SGK1: variants seen among roughly 807,000 people sequenced by gnomAD.
The protein encoded by SGK1 is serum/glucocorticoid regulated kinase 1.
A neutral mutation model predicts 64.2 loss-of-function variants in SGK1; 26 were observed. That is an observed-to-expected ratio of 0.40 (90% CI 0.30 to 0.56). SGK1 has a LOEUF of 0.56. Ranked by LOEUF, SGK1 falls within the 20% of genes least tolerant of loss-of-function variation. The pLI is 0.38. For synonymous variants in SGK1, 265 were observed against 239.7 expected (o/e 1.11, Z -0.98); for missense variants, 519 against 645.6 (o/e 0.80, Z 2.12).
chr6:134,177,630 G>A (rs548200145), intron 3 of SGK1: 1 of 1,576,908 alleles, frequency 6.3e-7, no homozygotes, highest in East Asian at 2.2e-5. Context: ...ATCCTTTGAG[G>A]CATCTGCAAA....
At chr6:134,300,313 C>A (rs1777428686) in intron 1 of SGK1, among the ~76,000 whole-genome samples, 2 of 151,498 alleles carry the variant, frequency 1.3e-5, no homozygotes, top group African/African-American at 4.9e-5. Flanking sequence ...CCGAGACGGG[C>A]AGATCACGAG....
In SGK1 at chr6:134,251,335, A is replaced by G. The variant is rs1776602744; in HGVS notation, c.285+10598T>C. 1.3e-5 allele frequency among the ~76,000 whole-genome samples: 2 copies of G among 152,210 alleles called. 1 individual carries two copies. The stretch of plus-strand genomic sequence containing the variant: ...ATACAAAGTCTTCTTTTAAAATTTT[A>G]AAAGTCTCAAAACTACTAAAACAGG... On this transcript the variant is annotated intron_variant, in intron 2 of 13. Coordinates refer to ENST00000367858, the MANE Select transcript of SGK1 (RefSeq NM_001143676.3).
chr6:134,280,198 CAAAAAAA>C (rs1228218844), intron 1 of SGK1, among the ~76,000 whole-genome samples: 1 of 64,258 alleles, frequency 1.6e-5, no homozygotes, highest in Non-Finnish European at 2.9e-5. Context: ...GACACTGTCT[CAAAAAAA>C]AAAAAAAAAA....
At chr6:134,268,425 A>G (rs535714199) in intron 1 of SGK1, among the ~76,000 whole-genome samples, 13 of 152,194 alleles carry the variant, frequency 8.5e-5, no homozygotes, top group African/African-American at 2.9e-4. Context: ...CTTTATCCTG[A>G]ATAAATCAAG....
At chr6:134,253,931 A>G (rs1776642542) in intron 2 of SGK1, among the ~76,000 whole-genome samples, 1 of 152,084 alleles carries the variant, frequency 6.6e-6, no homozygotes, top group South Asian at 2.1e-4. Context: ...GCTGCCTTCA[A>G]TTGAAAGACG....
intron 1 of SGK1, among the ~76,000 whole-genome samples, chr6:134,302,806 G>A (rs1054952316): frequency 6.6e-6 from 1 of 152,004 alleles, no homozygotes; most frequent in Non-Finnish European, 1.5e-5. Flanking sequence ...CCAGGCTGGA[G>A]TGTAGTGGGG....
At chr6:134,262,892 T>A (rs1482067460) in intron 1 of SGK1, among the ~76,000 whole-genome samples, 1 of 117,568 alleles carries the variant, frequency 8.5e-6, no homozygotes, top group Non-Finnish European at 1.8e-5. Flanking sequence ...AAAAATAACT[T>A]TTTTTTTTTT....
At chr6:134,276,787 C>T (rs969955563) in intron 1 of SGK1, among the ~76,000 whole-genome samples, 2 of 152,160 alleles carry the variant, frequency 1.3e-5, no homozygotes, top group Non-Finnish European at 2.9e-5. Flanking sequence ...CATGGTGGCT[C>T]ACACCTATAA....
At chr6:134,175,881 G>A (rs1775220088) in intron 3 of SGK1, 1 of 1,191,104 alleles carries the variant, frequency 8.4e-7, no homozygotes, top group Non-Finnish European at 1.0e-6. Flanking sequence ...CTTGGAAGAG[G>A]AGGAAGGAAG....
At position 134,208,202 on chromosome 6, in the gene SGK1, G is replaced by A. The variant is rs192854201; in HGVS notation, c.286-771C>T. Among the ~76,000 whole-genome samples, 12 of 152,180 alleles carry A rather than the reference G, an allele frequency of 7.9e-5. No homozygotes were observed. In the South Asian group the frequency reaches 1.9e-3, roughly 24 times the overall value. On this transcript the variant is annotated intron_variant, in intron 2 of 13. Transcript: ENST00000367858. ...GCTGGGATTATAAGCGTGAACCACC[G>A]CACCTGGCCTGCATTCTTATTTTAT... is the stretch of plus-strand genomic sequence containing the variant.
rs542289277 is a variant in SGK1 at position 134,271,160 on chromosome 6, A to G, written c.70-9012T>C. Among the ~76,000 whole-genome samples the G allele has an allele frequency of 5.6e-4, 81 of 143,486 alleles. 3 individuals carry two copies. The highest frequency in any genetic ancestry group is 1.9e-3 in the African/African-American group (76 of 40,806). 94.1% of individuals were successfully genotyped at this position (143,486 alleles called of 152,430 possible). A position where few individuals can be genotyped will look rare whatever the true frequency, so the allele number is the denominator to read the frequency against. On this transcript the variant is annotated intron_variant, in intron 1 of 13. Coordinates refer to ENST00000367858, the MANE Select transcript of SGK1 (RefSeq NM_001143676.3). ...ATAGTGAAACTCCATCTCTACTAAA[A>G]ATACAAAAATTAGTCGGGCGCGGGG... is the stretch of plus-strand genomic sequence containing the variant.
At chr6:134,214,259 C>CTAT (rs1208425390) in intron 2 of SGK1, among the ~76,000 whole-genome samples, 1 of 151,708 alleles carries the variant, frequency 6.6e-6, no homozygotes, top group Non-Finnish European at 1.5e-5. Flanking sequence ...CTTTTTTTTG[C>CTAT]CTAACCACCA....
chr6:134,298,107 T>G (rs1028862960), intron 1 of SGK1: 1 of 1,354,248 alleles, frequency 7.4e-7, no homozygotes, highest in Non-Finnish European at 1.1e-6. Flanking sequence ...ACCTTGTTCA[T>G]GTAAGCTTCA....
At chr6:134,220,601 A>T (rs1263650929) in intron 2 of SGK1, among the ~76,000 whole-genome samples, 1 of 152,204 alleles carries the variant, frequency 6.6e-6, no homozygotes, top group Non-Finnish European at 1.5e-5. Context: ...TTTTAGCTGT[A>T]GTCTCCTTAT....
At chr6:134,195,408 A>C (rs1054356917) in intron 3 of SGK1, among the ~76,000 whole-genome samples, 2 of 152,224 alleles carry the variant, frequency 1.3e-5, no homozygotes, top group Non-Finnish European at 2.9e-5. Context: ...AGGCAGAGTG[A>C]GGGGCCTCTC....
At chr6:134,312,678 C>T (rs1440766182) in intron 1 of SGK1, among the ~76,000 whole-genome samples, 3 of 152,170 alleles carry the variant, frequency 2.0e-5, no homozygotes, top group African/African-American at 7.2e-5. Context: ...AGCTATGTGA[C>T]TTGGGGCAAG....
At chr6:134,274,568 T>C (rs938658416) in intron 1 of SGK1, among the ~76,000 whole-genome samples, 1 of 151,842 alleles carries the variant, frequency 6.6e-6, no homozygotes, top group Admixed American at 6.6e-5. Flanking sequence ...GCTCTTTGAG[T>C]GTGGACAAGA....
At position 134,279,931 on chromosome 6, in the gene SGK1, CA is replaced by C. The variant is rs566367123; in HGVS notation, c.70-17784del. 3.3e-3 allele frequency among the ~76,000 whole-genome samples: 501 copies of C among 152,182 alleles called. 1 individual carries two copies. Among genetic ancestry groups the C allele is most frequent in the African/African-American group, 0.011 (463 of 41,522 alleles). The stretch of plus-strand genomic sequence containing the variant: ...AGCTGGGTGTGGTGGCTTATGCCTG[CA>C]ATCTAATCCCAATACTTTGGGAGGT... On this transcript the variant is annotated intron_variant, in intron 1 of 13. Transcript: ENST00000367858.
At chr6:134,183,356 T>C (rs1447750940) in intron 3 of SGK1, among the ~76,000 whole-genome samples, 1 of 152,226 alleles carries the variant, frequency 6.6e-6, no homozygotes, top group African/African-American at 2.4e-5. Context: ...AATAACTTAT[T>C]GTTAACTCTG....
Sources: gnomAD v4.1 joint callset for allele counts (sites outside exome capture counted in the v4.1 genomes callset) on GRCh38, gnomAD v4.1.1 for gene constraint, MANE v1.5 for transcripts, NCBI Gene and HGNC (gene_info 2026-07-23, HGNC 2026-07-21) for gene names.